The following PASD1 variants were observed in gnomAD, a reference collection of about 807,000 sequenced individuals.
The protein encoded by PASD1 is PAS domain containing repressor 1, also known as circadian clock protein PASD1.
Under a neutral mutation model 58.8 loss-of-function variants are expected in PASD1, and 13 were observed. That is an observed-to-expected ratio of 0.22 (90% CI 0.14 to 0.35). PASD1 has a LOEUF of 0.35. Among genes scored for constraint, PASD1 ranks in the 10% least tolerant of loss-of-function variants. PASD1 has a pLI of 1.00. For synonymous variants in PASD1, 236 were observed against 216.7 expected (o/e 1.09, Z -0.78); for missense variants, 734 against 568.3 (o/e 1.29, Z -2.96).
chrX:151,621,654 A>G, intron 6 of PASD1, 62 bp downstream of exon 6: 1 of 782,951 alleles, frequency 1.3e-6, no homozygotes, highest in East Asian at 3.5e-5. Context: ...TCACATTACT[A>G]ACATAAATGC....
intron 11 of PASD1, among the ~76,000 whole-genome samples, chrX:151,667,966 T>C (rs1468883362): frequency 8.9e-6 from 1 of 111,799 alleles, no homozygotes; most frequent in Non-Finnish European, 1.9e-5. Flanking sequence ...ATAAATTACC[T>C]TGGGCAGTGT....
intron 4 of PASD1, among the ~76,000 whole-genome samples, chrX:151,616,895 G>A (rs773219420): frequency 7.9e-4 from 88 of 111,063 alleles, no homozygotes; most frequent in African/African-American, 2.7e-3. Flanking sequence ...TCCTGCAGAG[G>A]ATCTTATCCT....
At chrX:151,612,431 C>T (rs962175840) in intron 4 of PASD1, among the ~76,000 whole-genome samples, 3 of 108,983 alleles carry the variant, frequency 2.8e-5, no homozygotes, top group African/African-American at 6.7e-5. Context: ...ACAGTCCCAC[C>T]GACAGTGTAA....
chrX:151,575,648 A>T (rs757953768), intron 1 of PASD1, among the ~76,000 whole-genome samples: 4 of 106,721 alleles, frequency 3.7e-5, no homozygotes, highest in East Asian at 2.9e-4. Flanking sequence ...ATGAGCTGGA[A>T]TTTTTTTTTT....
At chrX:151,629,486 G>A (rs931317759) in intron 8 of PASD1, among the ~76,000 whole-genome samples, 1 of 111,687 alleles carries the variant, frequency 9.0e-6, no homozygotes, top group Non-Finnish European at 1.9e-5. Context: ...GCACGTGCAC[G>A]ACCAAGCTTA....
chrX:151,657,087 A>G (rs933380029), intron 9 of PASD1, among the ~76,000 whole-genome samples: 1 of 111,745 alleles, frequency 8.9e-6, no homozygotes, highest in African/African-American at 3.3e-5. Context: ...AATTTTGTCA[A>G]AGGCCTTTTC....
At chrX:151,582,085 C>G (rs1169488304) in intron 1 of PASD1, among the ~76,000 whole-genome samples, 2 of 97,379 alleles carry the variant, frequency 2.1e-5, no homozygotes, top group African/African-American at 7.8e-5. Context: ...CTCCCGGGTT[C>G]ACGTGATTCA....
At position 151,566,184 on chromosome X, in the gene PASD1, G is replaced by A. The variant is rs181907680; in HGVS notation, c.-28+2345G>A. 2.7e-5 allele frequency among the ~76,000 whole-genome samples: 3 copies of A among 112,287 alleles called. No individual in the cohort carries two copies. In the East Asian group the frequency reaches 8.4e-4, roughly 31 times the overall value. On this transcript the variant is annotated intron_variant, in intron 1 of 15. Coordinates refer to ENST00000370357, the MANE Select transcript of PASD1 (RefSeq NM_173493.3). ...CTGAGAATAAAGATGCAGCTTTTAGGGAGTCCATAGGCTAGTGGAGCAGAG... is the reference window on the plus strand; with the variant it reads ...CTGAGAATAAAGATGCAGCTTTTAGAGAGTCCATAGGCTAGTGGAGCAGAG...
chrX:151,671,904 T>A, intron 13 of PASD1, 125 bp downstream of exon 13: 1 of 810,762 alleles, frequency 1.2e-6, no homozygotes. Context: ...TTGCCCAAGA[T>A]AGTAAAAAAT....
chrX:151,644,216 T>A (rs966799478), intron 8 of PASD1, among the ~76,000 whole-genome samples: 7 of 112,463 alleles, frequency 6.2e-5, no homozygotes, highest in Non-Finnish European at 1.1e-4. Flanking sequence ...CTATCAAATA[T>A]TTAGAAGGCA....
At chrX:151,594,371 T>G (rs1269235504) in intron 1 of PASD1, among the ~76,000 whole-genome samples, 2 of 112,201 alleles carry the variant, frequency 1.8e-5, no homozygotes, top group Admixed American at 9.5e-5. Context: ...ATTGTCTTCT[T>G]TTTTCTGCTT....
At chrX:151,660,533 CAATT>C (rs1310029432) in intron 10 of PASD1, among the ~76,000 whole-genome samples, 1 of 112,420 alleles carries the variant, frequency 8.9e-6, no homozygotes, top group Non-Finnish European at 1.9e-5. Flanking sequence ...CCTTCCAAAA[CAATT>C]GATTTTTGGC....
intron 9 of PASD1, among the ~76,000 whole-genome samples, chrX:151,657,938 C>A (rs1482381774): frequency 9.1e-6 from 1 of 110,465 alleles, no homozygotes; most frequent in African/African-American, 3.3e-5. Flanking sequence ...TTTCCCCCAC[C>A]ACTTCCAAAA....
At chrX:151,651,926 AG>A (rs2014132976) in intron 9 of PASD1, among the ~76,000 whole-genome samples, 2 of 112,102 alleles carry the variant, frequency 1.8e-5, no homozygotes, top group Admixed American at 9.5e-5. Context: ...CTGCCCAATG[AG>A]GCGTCTACTT....
intron 4 of PASD1, among the ~76,000 whole-genome samples, chrX:151,612,460 A>G (rs1483265558): frequency 1.8e-5 from 2 of 109,377 alleles, no homozygotes; most frequent in African/African-American, 3.3e-5. Context: ...CTATTTCTCC[A>G]CATCCTCTCC....
intron 1 of PASD1, among the ~76,000 whole-genome samples, chrX:151,594,895 G>A (rs1362166342): frequency 9.0e-6 from 1 of 111,093 alleles, no homozygotes; most frequent in East Asian, 2.8e-4. Flanking sequence ...CTCAAAGGGT[G>A]TATTTTTGCT....
Position 151,601,613 on chromosome X carries a change from C to T in PASD1, c.28+32C>T, listed in dbSNP as rs763130026. ...ATTCATAACTGACTGACATTTCTGT[C>T]AAAGCCCTCTCCCTCGTCCTGTGTT... On this transcript the variant is annotated intron_variant, in intron 2 of 15. Coordinates refer to ENST00000370357, the MANE Select transcript of PASD1 (RefSeq NM_173493.3). 6 of 1,194,703 alleles carry T rather than the reference C, an allele frequency of 5.0e-6. No individual in the cohort carries two copies. In the South Asian group the frequency reaches 1.1e-4, roughly 21 times the overall value.
chrX:151,640,538 G>A (rs1019068680), intron 8 of PASD1, among the ~76,000 whole-genome samples: 1 of 111,884 alleles, frequency 8.9e-6, no homozygotes, highest in African/African-American at 3.3e-5. Flanking sequence ...CAGTTGGAAG[G>A]CTTGGCCTTA....
At position 151,674,111 on chromosome X, in the gene PASD1, C is replaced by T. The variant is rs150597701; in HGVS notation, c.2100C>T (p.Leu700=). 2.3e-3 allele frequency: 2,739 copies of T among 1,210,197 alleles called. 22 individuals are homozygous for T. In the South Asian group the frequency reaches 0.032, roughly 14 times the overall value. ...TTTGGCAAGAGTTGTCTGATTCACT[C>T]GGTCCTGTTGTCCAAGTGAACACTT... The part of the protein sequence containing the change: ...IRLWQELSDS[L]GPVVQVNTWS... Residue 700 remains leucine (L), a synonymous_variant, in exon 15 of 16, where the codon CTC becomes CTT. Transcript: ENST00000370357.
Sources: gnomAD v4.1 joint callset for allele counts (sites outside exome capture counted in the v4.1 genomes callset) on GRCh38, gnomAD v4.1.1 for gene constraint, MANE v1.5 for transcripts, NCBI Gene and HGNC (gene_info 2026-07-23, HGNC 2026-07-21) for gene names.